DOCK1: variants seen among roughly 807,000 people sequenced by gnomAD.
The protein encoded by DOCK1 is dedicator of cytokinesis protein 1.
In DOCK1, 138 loss-of-function variants were observed where a neutral mutation model predicts 262.7. The ratio of observed to expected loss-of-function variants is 0.53; its 90% confidence interval spans 0.46 to 0.61. The LOEUF (loss-of-function observed/expected upper bound fraction) is 0.61. DOCK1 is among the 20% of genes least tolerant of loss of function. DOCK1 has a pLI of 0.00. For missense variants in DOCK1, 1,908 were observed against 2,370.7 expected (o/e 0.80, Z 4.05); for synonymous variants, 866 against 867.4 (o/e 1.00, Z 0.03).
chr10:127,257,011 T>C (rs890350921), intron 28 of DOCK1, among the ~76,000 whole-genome samples: 1 of 152,260 alleles, frequency 6.6e-6, no homozygotes, highest in African/African-American at 2.4e-5. Context: ...AAGCCTTGTT[T>C]GTTAAAATCA....
intron 1 of DOCK1, among the ~76,000 whole-genome samples, chr10:126,919,727 A>G (rs67601813): frequency 0.17 from 25,614 of 152,098 alleles, 2,425 homozygotes; most frequent in Middle Eastern, 0.23. Flanking sequence ...GTTCTGCGAC[A>G]TGCTTCCCCT....
At chr10:127,273,153 T>C (rs944191648) in intron 29 of DOCK1, among the ~76,000 whole-genome samples, 6 of 152,234 alleles carry the variant, frequency 3.9e-5, no homozygotes, top group African/African-American at 1.2e-4. Context: ...AAAGTGAAGT[T>C]TCCTGCAAGA....
chr10:127,379,254 A>G (rs865964515), intron 35 of DOCK1, among the ~76,000 whole-genome samples: 4 of 152,260 alleles, frequency 2.6e-5, no homozygotes, highest in Admixed American at 6.5e-5. Context: ...TTTGATAGAA[A>G]TGTTATTGCT....
intron 10 of DOCK1, among the ~76,000 whole-genome samples, chr10:127,003,115 A>G (rs924064722): frequency 6.6e-6 from 1 of 151,850 alleles, no homozygotes; most frequent in African/African-American, 2.4e-5. Flanking sequence ...AACCCACGTG[A>G]ACCTTTATGA....
chr10:127,375,589 G>A (rs545243164), intron 35 of DOCK1, among the ~76,000 whole-genome samples: 16 of 152,286 alleles, frequency 1.1e-4, no homozygotes, highest in South Asian at 8.3e-4. Context: ...AAAGATAAAC[G>A]AAAAGGAATG....
intron 28 of DOCK1, among the ~76,000 whole-genome samples, chr10:127,251,587 T>G (rs2059646135): frequency 7.3e-6 from 1 of 136,646 alleles, no homozygotes; most frequent in Non-Finnish European, 1.5e-5. Flanking sequence ...TGTGTCCATG[T>G]GTTCTCATTG....
rs1394071614 is a variant in DOCK1, at chr10:127,414,129, C to T, written c.4429-1023C>T. ...ATTTTGCCACGTTGCCCGGCCTGGT[C>T]TCGAAGTCCTGAGCTCAGGCAATCT... On this transcript the variant is annotated intron_variant, in intron 43 of 51. Transcript: ENST00000623213. Among the ~76,000 whole-genome samples, 9 of 152,160 alleles carry T rather than the reference C, an allele frequency of 5.9e-5. No homozygotes were observed. In the East Asian group the frequency reaches 1.2e-3, roughly 20 times the overall value.
chr10:127,226,989 C>A (rs962149666), intron 27 of DOCK1, among the ~76,000 whole-genome samples: 1 of 152,172 alleles, frequency 6.6e-6, no homozygotes, highest in Non-Finnish European at 1.5e-5. Flanking sequence ...GGGGCAGAGA[C>A]CATGTTGCGT....
chr10:127,018,424 C>T (rs1217291664), intron 12 of DOCK1, among the ~76,000 whole-genome samples: 1 of 152,166 alleles, frequency 6.6e-6, no homozygotes, highest in East Asian at 1.9e-4. Flanking sequence ...AGACATTGGT[C>T]CTTGGCATTC....
chr10:127,293,836 T>C (rs958143077), intron 29 of DOCK1, among the ~76,000 whole-genome samples: 9 of 152,182 alleles, frequency 5.9e-5, no homozygotes, highest in Admixed American at 6.5e-5. Context: ...GAAAAGACTC[T>C]TCATTGTAAA....
chr10:127,419,451 G>T (rs2068363987), intron 45 of DOCK1, among the ~76,000 whole-genome samples: 1 of 152,226 alleles, frequency 6.6e-6, no homozygotes, highest in Non-Finnish European at 1.5e-5. Context: ...TGGGGTTGCT[G>T]CTGTAGACAG....
At chr10:126,968,953 A>G (rs985272983) in intron 1 of DOCK1, among the ~76,000 whole-genome samples, 2 of 152,256 alleles carry the variant, frequency 1.3e-5, no homozygotes, top group African/African-American at 4.8e-5. Context: ...TAGAATTTTC[A>G]ATATCATAGG....
intron 1 of DOCK1, among the ~76,000 whole-genome samples, chr10:126,932,703 G>A (rs1023407678): frequency 2.0e-5 from 3 of 152,162 alleles, no homozygotes; most frequent in Non-Finnish European, 4.4e-5. Context: ...CGTCGCTGAA[G>A]TACCACGGCC....
chr10:127,339,450 C>T (rs1449525921), intron 30 of DOCK1, among the ~76,000 whole-genome samples: 4 of 152,108 alleles, frequency 2.6e-5, no homozygotes, highest in Non-Finnish European at 5.9e-5. Flanking sequence ...CCCAGGTCTG[C>T]ACCTCGAGCT....
chr10:127,054,633 C>T (rs1471676949), intron 22 of DOCK1, among the ~76,000 whole-genome samples: 1 of 152,200 alleles, frequency 6.6e-6, no homozygotes. Context: ...CTGGCCCCCC[C>T]TGCCTTGCTG....
In DOCK1 at chr10:127,200,417, C is replaced by CGTTTTT. The variant is rs922760074; in HGVS notation, c.2848-47573_2848-47568dup. ...TGCAAGAATCGATATTATCTGTTTT[C>CGTTTTT]GTTTTTGTTTTTGTTTTTGTTTTGG... On this transcript the variant is annotated intron_variant, in intron 27 of 51. Transcript: ENST00000623213. 3.9e-5 allele frequency among the ~76,000 whole-genome samples: 6 copies of CGTTTTT among 152,200 alleles called. No homozygotes were observed. The East Asian group carries it at 7.7e-4, about 20-fold the overall frequency.
At chr10:127,213,173 AAT>A (rs1274040626) in intron 27 of DOCK1, among the ~76,000 whole-genome samples, 1 of 152,206 alleles carries the variant, frequency 6.6e-6, no homozygotes, top group African/African-American at 2.4e-5. Flanking sequence ...AAAAGCTCAG[AAT>A]ATTGTTGGGA....
chr10:127,416,039 G>C (rs1182465935), intron 44 of DOCK1, among the ~76,000 whole-genome samples: 1 of 152,238 alleles, frequency 6.6e-6, no homozygotes, highest in Non-Finnish European at 1.5e-5. Context: ...TTTGTCTCTA[G>C]GGGCCGGCAT....
At position 127,397,523 on chromosome 10, in the gene DOCK1, C is replaced by A. The variant is rs538781973; in HGVS notation, c.3928-5532C>A. ...TCCTATGTGATCTGAGCATGAGTTA[C>A]ACGGGCGGTGTCTCCTATGTGATCT... On this transcript the variant is annotated intron_variant, in intron 38 of 51. Coordinates refer to ENST00000623213, the MANE Select transcript of DOCK1 (RefSeq NM_001290223.2). Among the ~76,000 whole-genome samples the A allele has an allele frequency of 2.0e-5, 3 of 150,740 alleles. No individual in the cohort carries two copies. The East Asian group carries it at 6.0e-4, about 30-fold the overall frequency.
Sources: gnomAD v4.1 joint callset for allele counts (sites outside exome capture counted in the v4.1 genomes callset) on GRCh38, gnomAD v4.1.1 for gene constraint, MANE v1.5 for transcripts, NCBI Gene and HGNC (gene_info 2026-07-23, HGNC 2026-07-21) for gene names.